VCAM1: variants seen among roughly 807,000 people sequenced by gnomAD.
VCAM1 encodes the protein vascular cell adhesion protein 1.
Under a neutral mutation model 63.8 loss-of-function variants are expected in VCAM1, and 41 were observed. The observed-to-expected ratio is 0.64, with a 90% CI of 0.50 to 0.83. VCAM1 has a LOEUF of 0.83. Ranked by LOEUF, VCAM1 falls within the 40% of genes least tolerant of loss-of-function variation. The probability of loss-of-function intolerance (pLI) is 0.00; values close to 1 mark genes in which losing one functional copy is unlikely to be tolerated. For missense variants in VCAM1, 798 were observed against 875.5 expected (o/e 0.91, Z 1.12); for synonymous variants, 338 against 320.7 (o/e 1.05, Z -0.58).
In VCAM1 at chr1:100,734,164, C is replaced by T. The variant is rs2100834511; in HGVS notation, c.1793-338C>T. On this transcript the variant is annotated intron_variant, in intron 7 of 8. Coordinates refer to ENST00000294728, the MANE Select transcript of VCAM1 (RefSeq NM_001078.4). Reference sequence around the variant, plus strand: ...CCCCCATGATCCAGTCACCTCTCACCAGGTTCCTCCCTCAAAACGTGAGGA... The same window carrying T: ...CCCCCATGATCCAGTCACCTCTCACTAGGTTCCTCCCTCAAAACGTGAGGA... Among the ~76,000 whole-genome samples, 3 of 152,258 alleles carry T rather than the reference C, an allele frequency of 2.0e-5. No individual in the cohort carries two copies. The Middle Eastern group carries it at 0.01, about 521-fold the overall frequency.
intron 6 of VCAM1, among the ~76,000 whole-genome samples, chr1:100,732,054 G>A (rs1345204256): frequency 6.6e-6 from 1 of 152,196 alleles, no homozygotes; most frequent in East Asian, 1.9e-4. Context: ...GGCCAGCCTA[G>A]AGATTCAAGG....
chr1:100,726,130 A>G (rs1660154274), intron 4 of VCAM1, among the ~76,000 whole-genome samples: 1 of 151,986 alleles, frequency 6.6e-6, no homozygotes, highest in Non-Finnish European at 1.5e-5. Context: ...TAGATCCCAC[A>G]TATAAGTGAG....
chr1:100,728,049 C>T (rs1217989958), intron 4 of VCAM1, among the ~76,000 whole-genome samples: 6 of 151,924 alleles, frequency 3.9e-5, no homozygotes. Context: ...TTAAAAGTTG[C>T]CCAAACACTC....
At position 100,731,296 on chromosome 1, in the gene VCAM1, C is replaced by T. The variant is rs533971321; in HGVS notation, c.1303C>T (p.Arg435Trp). The change falls in exon 6 of 9, where the codon CGG becomes TGG. Residue 435 changes from arginine (R) to tryptophan (W), a missense_variant. Coordinates refer to ENST00000294728, the MANE Select transcript of VCAM1 (RefSeq NM_001078.4). This position sits in a 1 kb window ranked among gnomAD's most constrained non-coding sequence, Gnocchi z 4.2. ...CKVPSVYPLDRLEIELLKGET... is the reference protein window; with the variant it reads ...CKVPSVYPLDWLEIELLKGET... ...GGTTCCTAGCGTGTACCCCCTTGACCGGCTGGAGATTGAATTACTTAAGGG... is the reference window on the plus strand; with the variant it reads ...GGTTCCTAGCGTGTACCCCCTTGACTGGCTGGAGATTGAATTACTTAAGGG... The T allele has an allele frequency of 1.9e-5, 30 of 1,613,738 alleles. No homozygotes were observed. The highest frequency in any genetic ancestry group is 5.0e-5 in the Admixed American group (3 of 59,936).
chr1:100,731,758 T>C lies in VCAM1; in HGVS notation c.1525+240T>C, dbSNP rs1660465081. Reference sequence around the variant, plus strand: ...AGGAAGGGACCAGCTAGGCAGTTATTCTGTTCAATATGGTATTAGCTGAGC... The same window carrying C: ...AGGAAGGGACCAGCTAGGCAGTTATCCTGTTCAATATGGTATTAGCTGAGC... On this transcript the variant is annotated intron_variant, in intron 6 of 8. Transcript: ENST00000294728. This position sits in a 1 kb window ranked among gnomAD's most constrained non-coding sequence, Gnocchi z 4.2. Among the ~76,000 whole-genome samples the C allele has an allele frequency of 6.6e-6, 1 of 152,176 alleles. No homozygotes were observed. The highest frequency in any genetic ancestry group is 2.1e-4 in the South Asian group (1 of 4,822).
chr1:100,724,803 A>G lies in VCAM1; in HGVS notation c.841A>G (p.Met281Val), dbSNP rs201166464. Reference sequence around the variant, plus strand: ...AAATGCAACTCTCACCTTAATTGCTATGAGGATGGAAGATTCTGGAATTTA... The same window carrying G: ...AAATGCAACTCTCACCTTAATTGCTGTGAGGATGGAAGATTCTGGAATTTA... Reference protein sequence around the residue: ...SGNATLTLIAMRMEDSGIYVC... With the variant: ...SGNATLTLIAVRMEDSGIYVC... The change falls in exon 4 of 9, where the codon ATG becomes GTG. Residue 281 changes from methionine (M) to valine (V), a missense_variant. By Grantham distance (21) the Met-to-Val change is conservative (BLOSUM62 1). Coordinates refer to ENST00000294728, the MANE Select transcript of VCAM1 (RefSeq NM_001078.4). The G allele has an allele frequency of 9.9e-6, 16 of 1,612,892 alleles. No individual in the cohort carries two copies. Among genetic ancestry groups the G allele is most frequent in the African/African-American group, 2.7e-5 (2 of 74,836 alleles).
intron 1 of VCAM1, 101 bp downstream of exon 1, chr1:100,720,025 G>A: frequency 3.1e-6 from 4 of 1,289,272 alleles, no homozygotes; most frequent in Non-Finnish European, 2.2e-6. Flanking sequence ...AAAGACACTA[G>A]GATTTTAAAC....
At chr1:100,732,812 T>G in intron 7 of VCAM1, 128 bp downstream of exon 7, 3 of 1,059,976 alleles carry the variant, frequency 2.8e-6, no homozygotes, top group Non-Finnish European at 3.9e-6. Context: ...GAAGAGTTTA[T>G]GATGTTTCCA....
At position 100,729,298 on chromosome 1, in the gene VCAM1, A is replaced by G. The variant is rs765963130; in HGVS notation, c.1120A>G (p.Ser374Gly). 6.8e-6 allele frequency: 11 copies of G among 1,613,392 alleles called. No individual in the cohort carries two copies. The African/African-American group carries it at 1.2e-4, about 18-fold the overall frequency. ...TTCCACGCTGACCCTGAGCCCTGTG[A>G]GTTTTGAGAACGAACACTCTTATCT... ...TNSTLTLSPVSFENEHSYLCT... is the reference protein window; with the variant it reads ...TNSTLTLSPVGFENEHSYLCT... Residue 374 changes from serine to glycine, a missense_variant, in exon 5 of 9, where the codon AGT (serine) becomes GGT (glycine). Transcript: ENST00000294728.
intron 7 of VCAM1, among the ~76,000 whole-genome samples, chr1:100,733,037 G>T (rs1660518640): frequency 6.6e-6 from 1 of 152,152 alleles, no homozygotes; most frequent in African/African-American, 2.4e-5. Context: ...TACCATATCT[G>T]GCTGAATTGA....
intron 8 of VCAM1, chr1:100,737,194 T>C (rs575273346): frequency 6.6e-6 from 1 of 152,140 alleles, no homozygotes; most frequent in Admixed American, 6.5e-5. Context: ...AAAATGTTAT[T>C]AGTGTTTAAA....
Position 100,731,175 on chromosome 1 carries a change from T to C in VCAM1, c.1205-23T>C, listed in dbSNP as rs1660438332. The C allele has an allele frequency of 6.4e-7, 1 of 1,564,122 alleles. No homozygotes were observed. ...TTTCCTTGAATATCAAGAATAAAAA[T>C]CGTTTTTGCTTGCGATTTGCAGCAT... On this transcript the variant is annotated intron_variant, in intron 5 of 8. Coordinates refer to ENST00000294728, the MANE Select transcript of VCAM1 (RefSeq NM_001078.4). The surrounding 1 kb of genome is among the most constrained non-coding windows in gnomAD (Gnocchi z 4.2).
rs1001356388 is a variant in VCAM1 at position 100,731,091 on chromosome 1, C to T, written c.1205-107C>T. 12 of 971,658 alleles carry T rather than the reference C, an allele frequency of 1.2e-5. No homozygotes were observed. In the Admixed American group the frequency reaches 2.1e-4, roughly 17 times the overall value. The allele number at this position is 971,658 out of a possible 1,614,324, so 60.2% of individuals were successfully genotyped here. ...CTTATATATTGACAGTCATTCTATC[C>T]CAGGTGACTTAAAGCTGTCATTTTT... On this transcript the variant is annotated intron_variant, in intron 5 of 8. Transcript: ENST00000294728. The surrounding 1 kb of genome is among the most constrained non-coding windows in gnomAD (Gnocchi z 4.2).
At chr1:100,729,012 G>A (rs1660287167) in intron 4 of VCAM1, 95 bp from the exon 5 acceptor site, 3 of 1,359,720 alleles carry the variant, frequency 2.2e-6, no homozygotes, top group Admixed American at 5.2e-5. Flanking sequence ...TTAGCTGAAA[G>A]GAGATCAGGA....
Position 100,731,414 on chromosome 1 carries a change from T to C in VCAM1, c.1421T>C (p.Ile474Thr), listed in dbSNP as rs1482153192. The C allele has an allele frequency of 1.2e-6, 2 of 1,613,814 alleles. No individual in the cohort carries two copies. Among genetic ancestry groups the C allele is most frequent in the Middle Eastern group, 1.7e-4 (1 of 6,058 alleles). The change falls in exon 6 of 9, where the codon ATT becomes ACT. Residue 474 changes from isoleucine to threonine, a missense_variant. Physicochemically the swap from Ile to Thr is moderately conservative, Grantham distance 89. Coordinates refer to ENST00000294728, the MANE Select transcript of VCAM1 (RefSeq NM_001078.4). This position sits in a 1 kb window ranked among gnomAD's most constrained non-coding sequence, Gnocchi z 4.2. ...KSLEMTFIPT[I>T]EDTGKALVCQ... ...TTGGAAATGACCTTCATCCCTACCA[T>C]TGAAGATACTGGAAAAGCTCTTGTT... is the stretch of plus-strand genomic sequence containing the variant.
Position 100,734,653 on chromosome 1 carries a change from T to C in VCAM1, c.1944T>C (p.Ser648=), listed in dbSNP as rs781463114. 1 of 1,614,026 alleles carries C rather than the reference T, an allele frequency of 6.2e-7. No homozygotes were observed. Among genetic ancestry groups the C allele is most frequent in the Non-Finnish European group, 8.5e-7 (1 of 1,179,932 alleles). ...KAETGDTVLK[S]IDGAYTIRKA... Reference sequence around the variant, plus strand: ...AGACAGGAGACACAGTACTAAAATCTATAGATGGCGCCTATACCATCCGAA... The same window carrying C: ...AGACAGGAGACACAGTACTAAAATCCATAGATGGCGCCTATACCATCCGAA... Residue 648 remains serine, a synonymous_variant, in exon 8 of 9, where the codon TCT becomes TCC. Coordinates refer to ENST00000294728, the MANE Select transcript of VCAM1 (RefSeq NM_001078.4).
intron 4 of VCAM1, among the ~76,000 whole-genome samples, chr1:100,727,434 G>A (rs1660212183): frequency 6.6e-6 from 1 of 152,046 alleles, no homozygotes; most frequent in Non-Finnish European, 1.5e-5. Context: ...GACCAGGAAA[G>A]ATATTATACT....
intron 4 of VCAM1, among the ~76,000 whole-genome samples, 190 bp downstream of exon 4, chr1:100,725,080 A>G (rs1429167969): frequency 1.3e-5 from 2 of 151,812 alleles, no homozygotes; most frequent in Non-Finnish European, 2.9e-5. Context: ...CAGAGTTTCC[A>G]TGGCTCTGCT....
At chr1:100,732,818 T>G in intron 7 of VCAM1, 134 bp downstream of exon 7, 1 of 957,258 alleles carries the variant, frequency 1.0e-6, no homozygotes, top group Non-Finnish European at 1.5e-6. Flanking sequence ...TTTATGATGT[T>G]TCCAATGTAT....
Sources: gnomAD v4.1 joint callset for allele counts (sites outside exome capture counted in the v4.1 genomes callset) on GRCh38, gnomAD v4.1.1 for gene constraint, Gnocchi (gnomAD v3.1) non-coding constraint, MANE v1.5 for transcripts, NCBI Gene and HGNC (gene_info 2026-07-23, HGNC 2026-07-21) for gene names.